The following LGR4 variants were observed in gnomAD, a reference collection of about 807,000 sequenced individuals.
LGR4 encodes the protein leucine rich repeat containing G protein-coupled receptor 4.
A neutral mutation model predicts 84.8 loss-of-function variants in LGR4; 44 were observed. The observed-to-expected ratio is 0.52, with a 90% CI of 0.41 to 0.67. LGR4 has a LOEUF of 0.67. LGR4 is among the 30% of genes least tolerant of loss of function. The pLI is 0.00. For missense variants in LGR4, 1,032 were observed against 1,131.4 expected (o/e 0.91, Z 1.26); for synonymous variants, 429 against 434.3 (o/e 0.99, Z 0.15).
intron 3 of LGR4, 84 bp downstream of exon 3, chr11:27,392,361 CTG>C: frequency 1.9e-6 from 2 of 1,043,516 alleles, no homozygotes; most frequent in South Asian, 3.5e-5. Flanking sequence ...CTAAAAGAAA[CTG>C]TGCTTAACCT....
chr11:27,386,696 T>C (rs1034168494), intron 4 of LGR4, among the ~76,000 whole-genome samples: 1 of 152,158 alleles, frequency 6.6e-6, no homozygotes, highest in African/African-American at 2.4e-5. Flanking sequence ...CCAGATGCAT[T>C]TTCCCTTCCT....
Position 27,406,518 on chromosome 11 carries a change from TA to T in LGR4, c.257+6270del, listed in dbSNP as rs1309312800. On this transcript the variant is annotated intron_variant, in intron 2 of 17. Coordinates refer to ENST00000379214, the MANE Select transcript of LGR4 (RefSeq NM_018490.5). ...GCTCACAGAGTTTTATGAGTTAAAA[TA>T]AAACAAAACAATGTTTTCTAGAAGG... is the stretch of plus-strand genomic sequence containing the variant. Among the ~76,000 whole-genome samples, 4 of 152,138 alleles carry T rather than the reference TA, an allele frequency of 2.6e-5. No individual in the cohort carries two copies. In the East Asian group the frequency reaches 7.7e-4, roughly 29 times the overall value.
chr11:27,456,657 A>G (rs1024325369), intron 1 of LGR4, among the ~76,000 whole-genome samples: 3 of 152,218 alleles, frequency 2.0e-5, no homozygotes, highest in Non-Finnish European at 2.9e-5. Flanking sequence ...AGAAAGAAAA[A>G]GCCAGTCAAA....
intron 12 of LGR4, 107 bp downstream of exon 12, chr11:27,377,051 C>T (rs1862997076): frequency 1.3e-5 from 8 of 627,834 alleles, no homozygotes; most frequent in Non-Finnish European, 2.2e-5. Flanking sequence ...CATCTGATTA[C>T]AGGAATTTCT....
At chr11:27,376,948 A>G (rs1862995919) in intron 12 of LGR4, among the ~76,000 whole-genome samples, 1 of 152,088 alleles carries the variant, frequency 6.6e-6, no homozygotes, top group Admixed American at 6.6e-5. Flanking sequence ...TCCCCCCCGC[A>G]TAGCGTTTCA....
intron 11 of LGR4, among the ~76,000 whole-genome samples, chr11:27,377,925 T>C (rs749273949): frequency 2.0e-5 from 3 of 152,218 alleles, no homozygotes; most frequent in Non-Finnish European, 4.4e-5. Context: ...TTTCTATGTT[T>C]AGATATACAA....
intron 1 of LGR4, among the ~76,000 whole-genome samples, chr11:27,466,941 G>A (rs1420147352): frequency 1.3e-5 from 2 of 151,834 alleles, no homozygotes; most frequent in African/African-American, 2.4e-5. Context: ...GCACCACCAC[G>A]CCCGGCTAAT....
At chr11:27,426,217 G>A (rs1338488963) in intron 1 of LGR4, among the ~76,000 whole-genome samples, 1 of 152,108 alleles carries the variant, frequency 6.6e-6, no homozygotes, top group Non-Finnish European at 1.5e-5. Flanking sequence ...CATTTCCTAT[G>A]GACAGTAAAG....
At chr11:27,420,293 T>C (rs1863904245) in intron 1 of LGR4, among the ~76,000 whole-genome samples, 2 of 152,168 alleles carry the variant, frequency 1.3e-5, no homozygotes, top group Admixed American at 1.3e-4. Context: ...GGCTATCAAT[T>C]TGTAGCAGAA....
intron 14 of LGR4, 72 bp downstream of exon 14, chr11:27,373,903 C>T: frequency 1.7e-6 from 2 of 1,148,056 alleles, no homozygotes; most frequent in Non-Finnish European, 2.6e-6. Flanking sequence ...TTTGATTCGA[C>T]AATGTTAAAA....
chr11:27,460,115 G>T (rs1351127381), intron 1 of LGR4, among the ~76,000 whole-genome samples: 1 of 151,972 alleles, frequency 6.6e-6, no homozygotes, highest in Non-Finnish European at 1.5e-5. Context: ...AGCTGAGAAA[G>T]GAATTAACTT....
intron 2 of LGR4, among the ~76,000 whole-genome samples, chr11:27,400,303 G>T (rs1455687012): frequency 6.6e-6 from 1 of 152,048 alleles, no homozygotes; most frequent in African/African-American, 2.4e-5. Flanking sequence ...TGTGTCATGG[G>T]TCAAGCAAGC....
intron 1 of LGR4, among the ~76,000 whole-genome samples, chr11:27,470,257 T>C (rs532784466): frequency 6.6e-6 from 1 of 152,264 alleles, no homozygotes; most frequent in East Asian, 1.9e-4. Context: ...GATACAGCAT[T>C]TCACCACCTT....
chr11:27,450,885 T>G (rs1864471451), intron 1 of LGR4, among the ~76,000 whole-genome samples: 1 of 152,202 alleles, frequency 6.6e-6, no homozygotes, highest in Non-Finnish European at 1.5e-5. Flanking sequence ...CAACCATTTC[T>G]TTGCCAACTC....
intron 1 of LGR4, among the ~76,000 whole-genome samples, chr11:27,450,163 A>G (rs919049389): frequency 6.6e-6 from 1 of 152,246 alleles, no homozygotes; most frequent in Non-Finnish European, 1.5e-5. Context: ...AGCTGTTAAT[A>G]TTAAGGACAA....
chr11:27,416,461 A>G (rs1182075919), intron 1 of LGR4, among the ~76,000 whole-genome samples: 6 of 152,196 alleles, frequency 3.9e-5, no homozygotes, highest in Non-Finnish European at 7.4e-5. Flanking sequence ...TTATCTTATC[A>G]TCATCCATGT....
Position 27,368,672 on chromosome 11 carries a change from C to G in LGR4, c.2051G>C (p.Arg684Thr), listed in dbSNP as rs776019185. ...AAGGGGTGATGCAGAATATTCCCCTCTATGGAAAAGGGGAAAACAGCCTGC... is the reference window on the plus strand; with the variant it reads ...AAGGGGTGATGCAGAATATTCCCCTGTATGGAAAAGGGGAAAACAGCCTGC... The part of the protein sequence containing the change: ...TVAGCFPLFH[R>T]GEYSASPLCL... Residue 684 changes from arginine to threonine, a missense_variant, in exon 18 of 18, where the codon AGA (arginine) becomes ACA (threonine). Transcript: ENST00000379214. The G allele has an allele frequency of 2.0e-5, 32 of 1,613,422 alleles. 1 individual carries two copies. Among genetic ancestry groups the G allele is most frequent in the Middle Eastern group, 3.3e-4 (2 of 6,084 alleles).
At chr11:27,401,532 C>T (rs933149146) in intron 2 of LGR4, among the ~76,000 whole-genome samples, 23 of 152,054 alleles carry the variant, frequency 1.5e-4, no homozygotes, top group African/African-American at 5.6e-4. Flanking sequence ...AAAAAAAATA[C>T]AGCTAACGTC....
intron 6 of LGR4, among the ~76,000 whole-genome samples, chr11:27,382,778 G>T (rs911804599): frequency 9.2e-5 from 14 of 152,120 alleles, no homozygotes; most frequent in African/African-American, 3.4e-4. Flanking sequence ...CAGCACTTTG[G>T]GAGGCTGAGG....
Sources: allele counts gnomAD v4.1 joint callset (sites outside exome capture counted in the v4.1 genomes callset), GRCh38; gene constraint gnomAD v4.1.1; transcripts MANE v1.5; gene names NCBI Gene and HGNC (gene_info 2026-07-23, HGNC 2026-07-21).